Variants in FKBP10 observed in about 807,000 individuals in gnomAD.
FKBP10 encodes the protein peptidyl-prolyl cis-trans isomerase FKBP10.
In FKBP10, 34 loss-of-function variants were observed where a neutral mutation model predicts 53.7. That is an observed-to-expected ratio of 0.63 (90% CI 0.48 to 0.84). FKBP10 has a LOEUF of 0.84. Among genes scored for constraint, FKBP10 ranks in the 40% least tolerant of loss-of-function variants. The probability of loss-of-function intolerance (pLI) is 0.00; values close to 1 mark genes in which losing one functional copy is unlikely to be tolerated. For synonymous variants in FKBP10, 324 were observed against 335.7 expected (o/e 0.97, Z 0.38); for missense variants, 748 against 797.8 (o/e 0.94, Z 0.75).
At position 41,822,851 on chromosome 17, in the gene FKBP10, T is replaced by G; in HGVS notation, c.*443T>G. On this transcript the variant is annotated 3_prime_UTR_variant, in exon 10 of 10. Coordinates refer to ENST00000321562, the MANE Select transcript of FKBP10 (RefSeq NM_021939.4). ...GCTCCCTAGGACCCCTCTGCCTTCC[T>G]CCCCAATCCTGACTGGCTCCTAGGG... 3.5e-6 allele frequency: 1 copy of G among 283,042 alleles called. No individual in the cohort carries two copies. Among genetic ancestry groups the G allele is most frequent in the Non-Finnish European group, 6.9e-6 (1 of 145,764 alleles). The allele number at this position is 283,042 out of a possible 1,614,324, so 17.5% of individuals were successfully genotyped here.
chr17:41,818,923 T>G, intron 4 of FKBP10: 1 of 362,330 alleles, frequency 2.8e-6, no homozygotes, highest in South Asian at 2.4e-5. Context: ...GCCACTGCAC[T>G]CCAGCCTGGG....
chr17:41,813,124 G>C lies in FKBP10; in HGVS notation c.90G>C (p.Gly30=). Residue 30 remains glycine (G), a synonymous_variant, in exon 1 of 10, where the codon GGG becomes GGC. Coordinates refer to ENST00000321562, the MANE Select transcript of FKBP10 (RefSeq NM_021939.4). ...TGGTGGTGCAGGCCGTGGGGAGGGG[G>C]CTGGGCCGCGCCAGCCCGGCCGGGG... is the stretch of plus-strand genomic sequence containing the variant. ...LLLVVQAVGR[G]LGRASPAGGP... 1 of 1,611,456 alleles carries C rather than the reference G, an allele frequency of 6.2e-7. No homozygotes were observed. Among genetic ancestry groups the C allele is most frequent in the Non-Finnish European group, 8.5e-7 (1 of 1,179,670 alleles).
At chr17:41,819,760 C>T (rs567599023) in intron 6 of FKBP10, 85 bp downstream of exon 6, 3 of 1,549,644 alleles carry the variant, frequency 1.9e-6, no homozygotes, top group South Asian at 1.2e-5. Flanking sequence ...AGTGGGATTC[C>T]AGGCACCGCT....
chr17:41,820,177 AG>A, intron 6 of FKBP10, 91 bp from the exon 7 acceptor site: 1 of 1,411,714 alleles, frequency 7.1e-7, no homozygotes, highest in Admixed American at 1.7e-5. Flanking sequence ...AGGGTCGGGA[AG>A]GGGTATCAGG....
chr17:41,813,292 G>T lies in FKBP10; in HGVS notation c.245+13G>T. ...AGTTTGATTCAAGGTAACCCCGGTTGGGCGCCCCCGGATTCACCACTCCGT... is the reference window on the plus strand; with the variant it reads ...AGTTTGATTCAAGGTAACCCCGGTTTGGCGCCCCCGGATTCACCACTCCGT... On this transcript the variant is annotated intron_variant, in intron 1 of 9. Coordinates refer to ENST00000321562, the MANE Select transcript of FKBP10 (RefSeq NM_021939.4). 6.2e-7 allele frequency: 1 copy of T among 1,613,338 alleles called. No individual in the cohort carries two copies. Among genetic ancestry groups the T allele is most frequent in the South Asian group, 1.1e-5 (1 of 90,942 alleles).
Position 41,816,227 on chromosome 17 carries a change from C to CTTTTTT in FKBP10, c.246-814_246-809dup, listed in dbSNP as rs781896839. ...AAAGCCATGGCACTTTTAGAATAGG[C>CTTTTTT]TTTTTTTTTTTTTTTTTTTTTTGAG... On this transcript the variant is annotated intron_variant, in intron 1 of 9. Coordinates refer to ENST00000321562, the MANE Select transcript of FKBP10 (RefSeq NM_021939.4). 2.0e-3 allele frequency among the ~76,000 whole-genome samples: 156 copies of CTTTTTT among 77,096 alleles called. 6 individuals are homozygous for CTTTTTT. Among genetic ancestry groups the CTTTTTT allele is most frequent in the East Asian group, 3.6e-3 (8 of 2,244 alleles). 50.6% of individuals were successfully genotyped at this position (77,096 alleles called of 152,430 possible).
At position 41,819,280 on chromosome 17, in the gene FKBP10, C is replaced by T. The variant is rs782665870; in HGVS notation, c.798C>T (p.Asp266=). The T allele has an allele frequency of 3.2e-5, 52 of 1,614,088 alleles. No individual in the cohort carries two copies. The highest frequency in any genetic ancestry group is 4.2e-5 in the Non-Finnish European group (49 of 1,180,054). Reference sequence around the variant, plus strand: ...TGATTGACGTGCACAACCCGAAGGACGCTGTCCAGCTAGAGACGCTGGAGC... The same window carrying T: ...TGATTGACGTGCACAACCCGAAGGATGCTGTCCAGCTAGAGACGCTGGAGC... ...VLLIDVHNPK[D]AVQLETLELP... is the part of the protein sequence containing the mutation. The change falls in exon 5 of 10, where the codon GAC becomes GAT. Residue 266 remains aspartate (D), a synonymous_variant. Transcript: ENST00000321562.
chr17:41,816,227 CTTTTTTTT>C (rs781896839), intron 1 of FKBP10, among the ~76,000 whole-genome samples: 2 of 77,060 alleles, frequency 2.6e-5, no homozygotes, highest in African/African-American at 5.4e-5. Context: ...TTAGAATAGG[CTTTTTTTT>C]TTTTTTTTTT....
rs1455337652 is a variant in FKBP10, at chr17:41,818,231, C to A, written c.534C>A (p.Arg178=). 1.2e-6 allele frequency: 2 copies of A among 1,613,610 alleles called. No homozygotes were observed. The highest frequency in any genetic ancestry group is 8.5e-7 in the Non-Finnish European group (1 of 1,180,024). The part of the protein sequence containing the change: ...PRMVQDGDFV[R]YHYNGTLLDG... ...TGGTCCAGGACGGCGACTTTGTCCG[C>A]TACCACTACAATGGCACCCTGCTGG... Residue 178 remains arginine, a synonymous_variant, in exon 3 of 10, where the codon CGC becomes CGA. Coordinates refer to ENST00000321562, the MANE Select transcript of FKBP10 (RefSeq NM_021939.4).
In FKBP10 at chr17:41,822,306, C is replaced by T. The variant is rs552604412; in HGVS notation, c.1647C>T (p.Asp549=). 2 of 1,613,954 alleles carry T rather than the reference C, an allele frequency of 1.2e-6. No homozygotes were observed. The highest frequency in any genetic ancestry group is 4.5e-5 in the East Asian group (2 of 44,864). ...AGGACCCTGAGAAAACCATAGGAGA[C>T]ATGTTCCAGAACCAGGACCGCAACC... The part of the protein sequence containing the change: ...PGQDPEKTIG[D]MFQNQDRNQD... The change falls in exon 10 of 10, where the codon GAC becomes GAT. Residue 549 remains aspartate, a synonymous_variant. Coordinates refer to ENST00000321562, the MANE Select transcript of FKBP10 (RefSeq NM_021939.4).
rs2047879027 is a variant in FKBP10 at position 41,820,585 on chromosome 17, C to A, written c.1256+124C>A. ...CTCGAGCGCCAGGGGAGCATTCAAC[C>A]TCTTGCTGCTTTCTGTAAGTCCCCA... On this transcript the variant is annotated intron_variant, in intron 7 of 9. Coordinates refer to ENST00000321562, the MANE Select transcript of FKBP10 (RefSeq NM_021939.4). 5 of 976,598 alleles carry A rather than the reference C, an allele frequency of 5.1e-6. No individual in the cohort carries two copies. The East Asian group carries it at 1.2e-4, about 23-fold the overall frequency. 60.5% of individuals were successfully genotyped at this position (976,598 alleles called of 1,614,324 possible). A position where few individuals can be genotyped will look rare whatever the true frequency, so the allele number is the denominator to read the frequency against.
In FKBP10 at chr17:41,819,312, C is replaced by A. The variant is rs149339744; in HGVS notation, c.830C>A (p.Pro277His). The A allele has an allele frequency of 9.9e-6, 16 of 1,614,034 alleles. No homozygotes were observed. The highest frequency in any genetic ancestry group is 4.4e-5 in the South Asian group (4 of 91,090). ...CAGCTAGAGACGCTGGAGCTCCCCC[C>A]CGGCTGTGTCCGCAGAGCCGGGGCC... ...AVQLETLELPPGCVRRAGAGD... is the reference protein window; with the variant it reads ...AVQLETLELPHGCVRRAGAGD... The change falls in exon 5 of 10, where the codon CCC becomes CAC. Residue 277 changes from proline (P) to histidine (H), a missense_variant. Transcript: ENST00000321562.
chr17:41,820,188 G>T, intron 6 of FKBP10, 81 bp from the exon 7 acceptor site: 1 of 1,491,084 alleles, frequency 6.7e-7, no homozygotes, highest in East Asian at 2.3e-5. Context: ...GGGGTATCAG[G>T]TCTGGGGACC....
Position 41,822,282 on chromosome 17 carries a change from G to A in FKBP10, c.1623G>A (p.Gln541=), listed in dbSNP as rs782331928. The A allele has an allele frequency of 7.4e-6, 12 of 1,613,926 alleles. No individual in the cohort carries two copies. The highest frequency in any genetic ancestry group is 1.0e-5 in the Non-Finnish European group (12 of 1,179,954). Residue 541 remains glutamine, a synonymous_variant, in exon 10 of 10, where the codon CAG becomes CAA. Coordinates refer to ENST00000321562, the MANE Select transcript of FKBP10 (RefSeq NM_021939.4). ...GCAAAGGACGCCTCATGCCTGGGCA[G>A]GACCCTGAGAAAACCATAGGAGACA... The part of the protein sequence containing the change: ...SEGKGRLMPG[Q]DPEKTIGDMF...
Position 41,817,172 on chromosome 17 carries a change from T to C in FKBP10, c.360T>C (p.Pro120=), listed in dbSNP as rs1283685125. ...CVNERRRLIV[P]PHLGYGSIGL... ...ACGAGCGGCGACGCCTCATTGTGCC[T>C]CCCCACCTGGGCTATGGGAGCATCG... Residue 120 remains proline (P), a synonymous_variant, in exon 2 of 10, where the codon CCT becomes CCC. Transcript: ENST00000321562. 1 of 1,613,690 alleles carries C rather than the reference T, an allele frequency of 6.2e-7. No individual in the cohort carries two copies. The highest frequency in any genetic ancestry group is 1.3e-5 in the African/African-American group (1 of 74,894).
Position 41,819,609 on chromosome 17 carries a change from G to A in FKBP10, c.997G>A (p.Ala333Thr). 1 of 1,613,756 alleles carries A rather than the reference G, an allele frequency of 6.2e-7. No homozygotes were observed. ...CGGGATGGACCAGGGGCTGCAGGGT[G>A]CCTGCATGGGGGAACGCCGGAGAAT... The part of the protein sequence containing the change: ...IPGMDQGLQG[A>T]CMGERRRITI... The change falls in exon 6 of 10, where the codon GCC becomes ACC. Residue 333 changes from alanine to threonine, a missense_variant. Physicochemically the swap from Ala to Thr is moderately conservative, Grantham distance 58 (BLOSUM62 0). Transcript: ENST00000321562.
At position 41,820,282 on chromosome 17, in the gene FKBP10, T is replaced by C; in HGVS notation, c.1077T>C (p.Pro359=). The C allele has an allele frequency of 6.2e-7, 1 of 1,614,202 alleles. No individual in the cohort carries two copies. Among genetic ancestry groups the C allele is most frequent in the Non-Finnish European group, 8.5e-7 (1 of 1,180,030 alleles). Residue 359 remains proline, a synonymous_variant, in exon 7 of 10, where the codon CCT becomes CCC. Transcript: ENST00000321562. ...TTCTGGCCTCAGGAGACAAGATCCCTGGCTCTGCCGTGCTAATCTTCAACG... is the reference window on the plus strand; with the variant it reads ...TTCTGGCCTCAGGAGACAAGATCCCCGGCTCTGCCGTGCTAATCTTCAACG... The part of the protein sequence containing the change: ...YGENGTGDKI[P]GSAVLIFNVH...
intron 1 of FKBP10, among the ~76,000 whole-genome samples, chr17:41,816,017 C>G (rs1003380089): frequency 6.6e-6 from 1 of 150,872 alleles, no homozygotes; most frequent in Non-Finnish European, 1.5e-5. Context: ...TGCCTGTGAT[C>G]CCAGCTGCTA....
Position 41,818,904 on chromosome 17 carries a change from C to T in FKBP10, c.728-306C>T, listed in dbSNP as rs184792275. 1.5e-3 allele frequency: 619 copies of T among 405,072 alleles called. 11 individuals are homozygous for T. In the East Asian group the frequency reaches 0.028, roughly 18 times the overall value. 25.1% of individuals were successfully genotyped at this position (405,072 alleles called of 1,614,324 possible). ...CCGGGAGGCGGAGCTTGCAGTGAGCCGAGATCGCGCCACTGCACTCCAGCC... is the reference window on the plus strand; with the variant it reads ...CCGGGAGGCGGAGCTTGCAGTGAGCTGAGATCGCGCCACTGCACTCCAGCC... On this transcript the variant is annotated intron_variant, in intron 4 of 9. Transcript: ENST00000321562.
Sources: allele counts gnomAD v4.1 joint callset (sites outside exome capture counted in the v4.1 genomes callset), GRCh38; gene constraint gnomAD v4.1.1; transcripts MANE v1.5; gene names NCBI Gene and HGNC (gene_info 2026-07-23, HGNC 2026-07-21).